The following MYO9B variants were observed in gnomAD, a reference collection of about 807,000 sequenced individuals.
The protein encoded by MYO9B is myosin IXB.
A neutral mutation model predicts 229.5 loss-of-function variants in MYO9B; 71 were observed. The ratio of observed to expected loss-of-function variants is 0.31; its 90% confidence interval spans 0.26 to 0.38. The LOEUF is 0.38. Ranked by LOEUF, MYO9B falls within the 10% of genes least tolerant of loss-of-function variation. The pLI is 1.00. For synonymous variants in MYO9B, 1,185 were observed against 1,235.8 expected, an observed-to-expected ratio of 0.96 and a Z score of 0.86; for missense variants, 2,255 against 2,920.5, an observed-to-expected ratio of 0.77 and a Z score of 5.25.
At chr19:17,204,378 G>A (rs1041842949) in intron 30 of MYO9B, among the ~76,000 whole-genome samples, 2 of 148,980 alleles carry the variant, frequency 1.3e-5, no homozygotes, top group African/African-American at 4.9e-5. Flanking sequence ...TCTGCCAGTA[G>A]GTGGCCTTGG....
chr19:17,113,654 CCGGGCACCA>C (rs1438007917), intron 2 of MYO9B, among the ~76,000 whole-genome samples: 4 of 152,208 alleles, frequency 2.6e-5, no homozygotes, highest in Admixed American at 2.6e-4. Context: ...GCTGGGCACC[CCGGGCACCA>C]CAGGAAGCGA....
At chr19:17,100,966 T>C (rs1289561370) in intron 1 of MYO9B, among the ~76,000 whole-genome samples, 1 of 150,926 alleles carries the variant, frequency 6.6e-6, no homozygotes, top group Non-Finnish European at 1.5e-5. Flanking sequence ...CCGAGTCGTC[T>C]TCTGCTTGGG....
chr19:17,090,603 A>G (rs2123474356), intron 1 of MYO9B, among the ~76,000 whole-genome samples: 1 of 152,258 alleles, frequency 6.6e-6, no homozygotes, highest in Non-Finnish European at 1.5e-5. Context: ...TTTGGTGACA[A>G]GGGGATTGTT....
chr19:17,199,432 C>G (rs2145482948), intron 24 of MYO9B, among the ~76,000 whole-genome samples: 2 of 152,134 alleles, frequency 1.3e-5, no homozygotes, highest in Middle Eastern at 3.4e-3. Context: ...TGGTATCCTT[C>G]TTTCTTCACA....
chr19:17,200,955 C>T (rs377542194), intron 26 of MYO9B, 126 bp downstream of exon 26: 9 of 1,116,534 alleles, frequency 8.1e-6, no homozygotes, highest in Non-Finnish European at 1.2e-5. Flanking sequence ...AGTCCAGGCT[C>T]AGGCCGGGGA....
Position 17,077,856 on chromosome 19 carries a change from C to T in MYO9B, c.-59+1982C>T, listed in dbSNP as rs2057500703. 5.3e-5 allele frequency among the ~76,000 whole-genome samples: 8 copies of T among 152,168 alleles called. No individual in the cohort carries two copies. In the South Asian group the frequency reaches 1.7e-3, roughly 31 times the overall value. Reference sequence around the variant, plus strand: ...GATTTTTTTTCAACCGCTTCTTCATCGTCCAAATAGAAAATTGCGGTGTTG... The same window carrying T: ...GATTTTTTTTCAACCGCTTCTTCATTGTCCAAATAGAAAATTGCGGTGTTG... On this transcript the variant is annotated intron_variant, in intron 1 of 39. Coordinates refer to ENST00000682292, the MANE Select transcript of MYO9B (RefSeq NM_004145.4).
Position 17,195,541 on chromosome 19 carries a change from G to A in MYO9B, c.4046+68G>A. On this transcript the variant is annotated intron_variant, in intron 22 of 39. Transcript: ENST00000682292. The surrounding 1 kb of genome is among the most constrained non-coding windows in gnomAD (Gnocchi z 4.5). Reference sequence around the variant, plus strand: ...CCAGGTGGGCAAGGCCAGGGGCAGTGCCACACATCCTGGAAACACATGTGT... The same window carrying A: ...CCAGGTGGGCAAGGCCAGGGGCAGTACCACACATCCTGGAAACACATGTGT... The A allele has an allele frequency of 2.0e-6, 3 of 1,520,408 alleles. No individual in the cohort carries two copies. The highest frequency in any genetic ancestry group is 2.6e-6 in the Non-Finnish European group (3 of 1,134,564). 94.2% of individuals were successfully genotyped at this position (1,520,408 alleles called of 1,614,324 possible). A position where few individuals can be genotyped will look rare whatever the true frequency, so the allele number is the denominator to read the frequency against.
At chr19:17,137,870 A>G (rs891631361) in intron 2 of MYO9B, among the ~76,000 whole-genome samples, 1 of 149,452 alleles carries the variant, frequency 6.7e-6, no homozygotes, top group African/African-American at 2.5e-5. Flanking sequence ...CTCCAAAGTA[A>G]CTGGAACTAC....
chr19:17,163,242 C>T (rs755603329), intron 10 of MYO9B, 120 bp downstream of exon 10: 133 of 1,144,664 alleles, frequency 1.2e-4, no homozygotes, highest in Non-Finnish European at 1.5e-4. Flanking sequence ...TTCACATATT[C>T]GCATTGTTAT....
intron 11 of MYO9B, among the ~76,000 whole-genome samples, chr19:17,171,506 A>T (rs1445346509): frequency 6.6e-6 from 1 of 152,196 alleles, no homozygotes; most frequent in Non-Finnish European, 1.5e-5. Context: ...GCTGCCTACG[A>T]TGGGTAACAG....
intron 1 of MYO9B, among the ~76,000 whole-genome samples, chr19:17,088,828 C>T (rs2057609389): frequency 6.6e-6 from 1 of 152,094 alleles, no homozygotes; most frequent in Non-Finnish European, 1.5e-5. Context: ...GTACCTGGGA[C>T]CACAGGTGCA....
At chr19:17,089,095 C>T (rs1014533012) in intron 1 of MYO9B, among the ~76,000 whole-genome samples, 18 of 152,120 alleles carry the variant, frequency 1.2e-4, no homozygotes, top group African/African-American at 4.1e-4. Context: ...CTCTTCCTCC[C>T]GACTGGCACG....
intron 13 of MYO9B, among the ~76,000 whole-genome samples, 161 bp downstream of exon 13, chr19:17,173,124 C>T (rs529332483): frequency 6.6e-6 from 1 of 152,282 alleles, no homozygotes; most frequent in South Asian, 2.1e-4. Context: ...TGAACAGAAA[C>T]TCGACCTGCG....
At position 17,202,285 on chromosome 19, in the gene MYO9B, C is replaced by G. The variant is rs16981678; in HGVS notation, c.4818C>G (p.Asn1606Lys). 6.4e-7 allele frequency: 1 copy of G among 1,566,420 alleles called. No individual in the cohort carries two copies. The highest frequency in any genetic ancestry group is 2.4e-5 in the East Asian group (1 of 41,302). ...LDEFTRGYTKNDFEPVKQSKA... is the reference protein window; with the variant it reads ...LDEFTRGYTKKDFEPVKQSKA... ...AGTTCACCCGTGGCTACACCAAGAA[C>G]GACTTCGAGCCAGTGAAGGTGGGCA... is the stretch of plus-strand genomic sequence containing the variant. Residue 1606 changes from asparagine (N) to lysine (K), a missense_variant, in exon 28 of 40, where the codon AAC (asparagine) becomes AAG (lysine). Physicochemically the swap from Asn to Lys is moderately conservative, Grantham distance 94. Around this residue, in one of 7 missense-constraint regions of MYO9B, gnomAD observed 416 missense variants for 605.5 expected, o/e 0.69. Coordinates refer to ENST00000682292, the MANE Select transcript of MYO9B (RefSeq NM_004145.4).
At chr19:17,137,353 C>T (rs1404015340) in intron 2 of MYO9B, among the ~76,000 whole-genome samples, 1 of 152,080 alleles carries the variant, frequency 6.6e-6, no homozygotes, top group Non-Finnish European at 1.5e-5. Context: ...TATGGTCGCA[C>T]CACTTAAACT....
chr19:17,117,989 G>A (rs1426757438), intron 2 of MYO9B, among the ~76,000 whole-genome samples: 4 of 151,630 alleles, frequency 2.6e-5, no homozygotes, highest in African/African-American at 9.7e-5. Context: ...TAGTTAGCGG[G>A]TATGTGAACT....
rs548439668 is a variant in MYO9B at position 17,211,695 on chromosome 19, C to T, written c.5979C>T (p.Asp1993=). 29 of 1,612,232 alleles carry T rather than the reference C, an allele frequency of 1.8e-5. No homozygotes were observed. The highest frequency in any genetic ancestry group is 1.7e-4 in the Middle Eastern group (1 of 6,056). The part of the protein sequence containing the change: ...RLPELDPRGS[D]EENLDSETSA... The stretch of plus-strand genomic sequence containing the variant: ...CGGAGCTGGACCCAAGGGGCTCGGA[C>T]GAGGAGAACCTGGACTCGGAGACGT... The change falls in exon 39 of 40, where the codon GAC becomes GAT. Residue 1993 remains aspartate (D), a synonymous_variant. Transcript: ENST00000682292.
chr19:17,136,331 C>T (rs2072269210), intron 2 of MYO9B, among the ~76,000 whole-genome samples: 2 of 152,118 alleles, frequency 1.3e-5, no homozygotes, highest in Admixed American at 6.5e-5. Context: ...GAGTCAGTGC[C>T]TCGAGACTGG....
At chr19:17,098,625 T>TGCACTTTTTAGGAATAAA in intron 1 of MYO9B, among the ~76,000 whole-genome samples, 1 of 152,146 alleles carries the variant, frequency 6.6e-6, no homozygotes. Flanking sequence ...CAGAAGCAAA[T>TGCACTTTTTAGGAATAAA]GCACTTTTTA....
Sources: gnomAD v4.1 joint callset for allele counts (sites outside exome capture counted in the v4.1 genomes callset) on GRCh38, gnomAD v4.1.1 for gene constraint, gnomAD v4.1.1 regional missense constraint, Gnocchi (gnomAD v3.1) non-coding constraint, MANE v1.5 for transcripts, NCBI Gene and HGNC (gene_info 2026-07-23, HGNC 2026-07-21) for gene names.